ATP1A4: variants seen among roughly 807,000 people sequenced by gnomAD.
The protein encoded by ATP1A4 is sodium/potassium-transporting ATPase subunit alpha-4.
ATP1A4 carries 90 observed loss-of-function variants against 114.3 expected under a neutral mutation model. The ratio of observed to expected loss-of-function variants is 0.79; its 90% confidence interval spans 0.66 to 0.94. The LOEUF (loss-of-function observed/expected upper bound fraction) is 0.94, where lower values mean the gene tolerates loss of function less well. ATP1A4 is among the 40% of genes least tolerant of loss of function. The pLI is 0.00. For missense variants in ATP1A4, 1,222 were observed against 1,313.6 expected, an observed-to-expected ratio of 0.93 and a Z score of 1.08; for synonymous variants, 511 against 494.1, an observed-to-expected ratio of 1.03 and a Z score of -0.45.
At chr1:160,168,197 A>C (rs956806209) in intron 10 of ATP1A4, among the ~76,000 whole-genome samples, 1 of 152,150 alleles carries the variant, frequency 6.6e-6, no homozygotes, top group African/African-American at 2.4e-5. Flanking sequence ...AGGATGCAGG[A>C]ACAGTGACAT....
chr1:160,172,584 T>C (rs1006727290), intron 12 of ATP1A4, among the ~76,000 whole-genome samples: 12 of 152,192 alleles, frequency 7.9e-5, no homozygotes, highest in Non-Finnish European at 1.5e-4. Flanking sequence ...GTCCCATGTT[T>C]CCCAGGTCAA....
At chr1:160,153,109 C>T (rs1457990499) in intron 1 of ATP1A4, 56 bp from the exon 2 acceptor site, 16 of 1,407,966 alleles carry the variant, frequency 1.1e-5, no homozygotes, top group Non-Finnish European at 1.6e-5. Flanking sequence ...CTCCCCCTCT[C>T]CCTGGAAATG....
At chr1:160,156,460 G>C (rs990956982) in intron 4 of ATP1A4, among the ~76,000 whole-genome samples, 4 of 151,598 alleles carry the variant, frequency 2.6e-5, no homozygotes, top group Non-Finnish European at 5.9e-5. Flanking sequence ...AGTGTTGGTG[G>C]GGGTGGGAGC....
At chr1:160,182,127 C>A in intron 20 of ATP1A4, 96 bp downstream of exon 20, 2 of 993,252 alleles carry the variant, frequency 2.0e-6, no homozygotes, top group Non-Finnish European at 3.2e-6. Context: ...GAGCCAGGAG[C>A]TGCCTGGATA....
At position 160,176,136 on chromosome 1, in the gene ATP1A4, C is replaced by G. The variant is rs1433871311; in HGVS notation, c.2356C>G (p.Leu786Val). 6.2e-7 allele frequency: 1 copy of G among 1,614,132 alleles called. No homozygotes were observed. Among genetic ancestry groups the G allele is most frequent in the Admixed American group, 1.7e-5 (1 of 60,024 alleles). ...CCTGAAGAAATCCATCATGTACACC[C>G]TGACCAGCAACATCCCCGAGATCAC... ...DNLKKSIMYTLTSNIPEITPF... is the reference protein window; with the variant it reads ...DNLKKSIMYTVTSNIPEITPF... Residue 786 changes from leucine to valine, a missense_variant, in exon 16 of 22, where the codon CTG becomes GTG. By Grantham distance (32) the Leu-to-Val change is conservative. Coordinates refer to ENST00000368081, the MANE Select transcript of ATP1A4 (RefSeq NM_144699.4).
intron 20 of ATP1A4, among the ~76,000 whole-genome samples, chr1:160,184,502 G>A (rs990183351): frequency 2.6e-5 from 4 of 151,950 alleles, no homozygotes; most frequent in Non-Finnish European, 4.4e-5. Flanking sequence ...AGTTATGATT[G>A]TACCACTGCA....
At position 160,151,999 on chromosome 1, in the gene ATP1A4, C is replaced by A; in HGVS notation, c.-42C>A. 6.3e-7 allele frequency: 1 copy of A among 1,587,104 alleles called. No individual in the cohort carries two copies. Reference sequence around the variant, plus strand: ...CCCCTTGCCTCACTCTCTCAGCTTTCTTCCCACAGTTGAGCTCGGGCAGCT... The same window carrying A: ...CCCCTTGCCTCACTCTCTCAGCTTTATTCCCACAGTTGAGCTCGGGCAGCT... On this transcript the variant is annotated 5_prime_UTR_variant, in exon 1 of 22. Coordinates refer to ENST00000368081, the MANE Select transcript of ATP1A4 (RefSeq NM_144699.4).
chr1:160,158,083 GTTTAGGC>G (rs2101626859), intron 4 of ATP1A4, among the ~76,000 whole-genome samples: 1 of 152,114 alleles, frequency 6.6e-6, no homozygotes, highest in South Asian at 2.1e-4. Flanking sequence ...GAGACTAGGA[GTTTAGGC>G]ATGGTCGGTT....
intron 10 of ATP1A4, among the ~76,000 whole-genome samples, chr1:160,169,063 C>T (rs1007346381): frequency 6.6e-6 from 1 of 152,248 alleles, no homozygotes; most frequent in Non-Finnish European, 1.5e-5. Context: ...ACCAAACATG[C>T]GGCTCAAATG....
At position 160,154,899 on chromosome 1, in the gene ATP1A4, T is replaced by C. The variant is rs79259780; in HGVS notation, c.208-146T>C. The C allele has an allele frequency of 4.7e-3, 3,396 of 722,278 alleles. 113 individuals carry two copies. The East Asian group carries it at 0.072, about 15-fold the overall frequency. 44.7% of individuals were successfully genotyped at this position (722,278 alleles called of 1,614,324 possible). On this transcript the variant is annotated intron_variant, in intron 2 of 21. Transcript: ENST00000368081. ...TAATGCAAATTTTGAAACCTCACCT[T>C]ATCCAGGAAGAACTTCCAGACTGAC...
At position 160,164,153 on chromosome 1, in the gene ATP1A4, C is replaced by T; in HGVS notation, c.779-3C>T. On this transcript the variant is annotated splice_region_variant and splice_polypyrimidine_tract_variant and intron_variant, in intron 6 of 21. Coordinates refer to ENST00000368081, the MANE Select transcript of ATP1A4 (RefSeq NM_144699.4). The stretch of plus-strand genomic sequence containing the variant: ...ACATTGCCCTCTCCTGCTTCATCCA[C>T]AGGAACCGCCCGGGGTATTGTGATT... 6.2e-7 allele frequency: 1 copy of T among 1,613,458 alleles called. No individual in the cohort carries two copies. The highest frequency in any genetic ancestry group is 1.1e-5 in the South Asian group (1 of 91,054).
In ATP1A4 at chr1:160,176,557, A is replaced by G; in HGVS notation, c.2545A>G (p.Asn849Asp). Residue 849 changes from asparagine to aspartate, a missense_variant, in exon 17 of 22, where the codon AAT becomes GAT. Asn to Asp is a conservative substitution (Grantham distance 23). Transcript: ENST00000368081. ...GCTTCCAAGGAACCCAAAGACGGATAATCTGGTGAACCACCGTCTCATTGG... is the reference window on the plus strand; with the variant it reads ...GCTTCCAAGGAACCCAAAGACGGATGATCTGGTGAACCACCGTCTCATTGG... ...KRLPRNPKTD[N>D]LVNHRLIGMA... 1 of 1,614,198 alleles carries G rather than the reference A, an allele frequency of 6.2e-7. No homozygotes were observed. Among genetic ancestry groups the G allele is most frequent in the Non-Finnish European group, 8.5e-7 (1 of 1,180,030 alleles).
At chr1:160,152,276 A>C in intron 1 of ATP1A4, 89 bp downstream of exon 1, 9 of 1,406,672 alleles carry the variant, frequency 6.4e-6, no homozygotes, top group South Asian at 1.4e-5. Flanking sequence ...AATGAAACAC[A>C]CAGGCCAGAG....
intron 20 of ATP1A4, among the ~76,000 whole-genome samples, 164 bp downstream of exon 20, chr1:160,182,195 G>T (rs1286191196): frequency 6.6e-6 from 1 of 152,154 alleles, no homozygotes; most frequent in Non-Finnish European, 1.5e-5. Context: ...TCTGATAAGT[G>T]GATCTTATTT....
chr1:160,177,028 A>G (rs940843205), intron 17 of ATP1A4, among the ~76,000 whole-genome samples: 20 of 152,216 alleles, frequency 1.3e-4, no homozygotes, highest in Admixed American at 1.3e-3. Flanking sequence ...GACTGAATAA[A>G]CCAGGTTGGT....
intron 6 of ATP1A4, among the ~76,000 whole-genome samples, chr1:160,161,935 G>A (rs908525036): frequency 2.0e-5 from 3 of 152,202 alleles, no homozygotes; most frequent in Admixed American, 2.0e-4. Flanking sequence ...TCACAAGTAT[G>A]AGTCTATATT....
At chr1:160,166,832 G>A in intron 8 of ATP1A4, 106 bp downstream of exon 8, 3 of 1,534,570 alleles carry the variant, frequency 2.0e-6, no homozygotes, top group African/African-American at 2.7e-5. Flanking sequence ...GCCTGAAAGT[G>A]GAGTGGAGAA....
intron 4 of ATP1A4, among the ~76,000 whole-genome samples, chr1:160,157,895 G>A (rs540026031): frequency 4.6e-5 from 7 of 152,258 alleles, no homozygotes; most frequent in African/African-American, 1.7e-4. Flanking sequence ...GAAAGAATAC[G>A]ACGGTAAACA....
chr1:160,166,956 C>A lies in ATP1A4; in HGVS notation c.1247-12C>A. The A allele has an allele frequency of 6.2e-7, 1 of 1,612,840 alleles. No homozygotes were observed. Among genetic ancestry groups the A allele is most frequent in the Non-Finnish European group, 8.5e-7 (1 of 1,178,856 alleles). On this transcript the variant is annotated splice_polypyrimidine_tract_variant and intron_variant, in intron 8 of 21. Transcript: ENST00000368081. Reference sequence around the variant, plus strand: ...ATTCCCTGCTCACAATTCTTCTTTTCTTTCTCCCTAGGAAAAACATTTACC... The same window carrying A: ...ATTCCCTGCTCACAATTCTTCTTTTATTTCTCCCTAGGAAAAACATTTACC...
Sources: gnomAD v4.1 joint callset for allele counts (sites outside exome capture counted in the v4.1 genomes callset) on GRCh38, gnomAD v4.1.1 for gene constraint, MANE v1.5 for transcripts, NCBI Gene and HGNC (gene_info 2026-07-23, HGNC 2026-07-21) for gene names.